WDFY3: variants seen among roughly 807,000 people sequenced by gnomAD.
WDFY3 encodes WD repeat and FYVE domain containing 3.
In WDFY3, 66 loss-of-function variants were observed where a neutral mutation model predicts 409.6. The observed-to-expected ratio is 0.16, with a 90% CI of 0.13 to 0.20. WDFY3 has a LOEUF of 0.20. Among genes scored for constraint, WDFY3 ranks in the 10% least tolerant of loss-of-function variants. The probability of loss-of-function intolerance (pLI) is 1.00; values close to 1 mark genes in which losing one functional copy is unlikely to be tolerated. For synonymous variants in WDFY3, 1,521 were observed against 1,537.1 expected (o/e 0.99, Z 0.25); for missense variants, 3,031 against 4,298.1 (o/e 0.71, Z 8.24).
At chr4:84,944,235 C>G (rs886626234) in intron 1 of WDFY3, among the ~76,000 whole-genome samples, 2 of 151,940 alleles carry the variant, frequency 1.3e-5, no homozygotes, top group African/African-American at 4.8e-5. Flanking sequence ...CTTTAAGAAG[C>G]AAAAATCAGC....
At chr4:84,787,346 T>C (rs1451480319) in intron 23 of WDFY3, 136 bp downstream of exon 23, 19 of 765,584 alleles carry the variant, frequency 2.5e-5, no homozygotes, top group Non-Finnish European at 3.8e-5. Context: ...TAGGAGTGAG[T>C]ATCCTGCTGA....
At chr4:84,724,288 G>C (rs1735302285) in intron 46 of WDFY3, 138 bp downstream of exon 46, 1 of 927,346 alleles carries the variant, frequency 1.1e-6, no homozygotes, top group Non-Finnish European at 1.5e-6. Context: ...CAATCTTTAA[G>C]AAGGGTGAGA....
chr4:84,875,133 T>C (rs1460915262), intron 3 of WDFY3, among the ~76,000 whole-genome samples: 1 of 151,876 alleles, frequency 6.6e-6, no homozygotes, highest in Non-Finnish European at 1.5e-5. Context: ...CCAGGCATGG[T>C]GGCACGCGCC....
intron 3 of WDFY3, among the ~76,000 whole-genome samples, chr4:84,877,734 A>G (rs1480377160): frequency 2.0e-5 from 3 of 152,180 alleles, no homozygotes; most frequent in Non-Finnish European, 4.4e-5. Context: ...ACACCAGACA[A>G]TGTAAGATTA....
chr4:84,766,104 A>G, intron 31 of WDFY3, 77 bp from the exon 32 acceptor site: 3 of 1,538,916 alleles, frequency 1.9e-6, no homozygotes, highest in Non-Finnish European at 2.6e-6. Context: ...CAAAAAGGAA[A>G]AAGAAGACTG....
chr4:84,904,315 A>T lies in WDFY3; in HGVS notation c.-131-7305T>A, dbSNP rs551511177. Among the ~76,000 whole-genome samples the T allele has an allele frequency of 1.2e-4, 18 of 152,206 alleles. No individual in the cohort carries two copies. In the South Asian group the frequency reaches 3.1e-3, roughly 26 times the overall value. ...GAGTGCAATGGCGCGATCTTAGCTC[A>T]CTGCAACCTCCACCTCCTGGGTTCA... On this transcript the variant is annotated intron_variant, in intron 2 of 67. Transcript: ENST00000295888.
chr4:84,907,347 C>T (rs374403538), intron 2 of WDFY3, among the ~76,000 whole-genome samples: 1 of 152,174 alleles, frequency 6.6e-6, no homozygotes, highest in Non-Finnish European at 1.5e-5. Flanking sequence ...CCTTCTTGCT[C>T]TCTCTCAGAT....
chr4:84,890,151 G>C (rs748585773), intron 3 of WDFY3, among the ~76,000 whole-genome samples: 1 of 152,038 alleles, frequency 6.6e-6, no homozygotes, highest in Non-Finnish European at 1.5e-5. Flanking sequence ...TCAGGCTGGA[G>C]TACAGTGGCA....
chr4:84,769,833 G>C (rs1012408620), intron 30 of WDFY3, among the ~76,000 whole-genome samples: 1 of 152,070 alleles, frequency 6.6e-6, no homozygotes, highest in African/African-American at 2.4e-5. Flanking sequence ...TAATTAGCAT[G>C]TCCATCACCT....
At chr4:84,890,312 C>T (rs187050008) in intron 3 of WDFY3, among the ~76,000 whole-genome samples, 1 of 152,272 alleles carries the variant, frequency 6.6e-6, no homozygotes, top group Admixed American at 6.5e-5. Context: ...GTTGCCCAGG[C>T]TGGTCTTGAA....
At chr4:84,907,384 C>T (rs941744509) in intron 2 of WDFY3, among the ~76,000 whole-genome samples, 7 of 152,134 alleles carry the variant, frequency 4.6e-5, no homozygotes, top group African/African-American at 1.7e-4. Context: ...AGCCAACTTC[C>T]ACATTGTGAA....
At chr4:84,680,057 ATTTTTGTATTT>A (rs1437061138) in intron 64 of WDFY3, among the ~76,000 whole-genome samples, 2 of 151,696 alleles carry the variant, frequency 1.3e-5, no homozygotes, top group African/African-American at 4.8e-5. Context: ...CACCTGGCTA[ATTTTTGTATTT>A]TTAGTAGAGA....
chr4:84,905,824 C>A (rs1288809881), intron 2 of WDFY3, among the ~76,000 whole-genome samples: 1 of 152,206 alleles, frequency 6.6e-6, no homozygotes. Context: ...ATTCCTCATA[C>A]ACCAACTGTT....
chr4:84,913,932 A>T (rs1768116997), intron 2 of WDFY3, among the ~76,000 whole-genome samples: 1 of 152,018 alleles, frequency 6.6e-6, no homozygotes, highest in African/African-American at 2.4e-5. Flanking sequence ...CAGCCTACTC[A>T]ATGTGAAGAT....
rs937499795 is a variant in WDFY3, at chr4:84,742,573, C to T, written c.6074-652G>A. On this transcript the variant is annotated intron_variant, in intron 37 of 67. Coordinates refer to ENST00000295888, the MANE Select transcript of WDFY3 (RefSeq NM_014991.6). ...GGTCCCCAACTCCCAGGCCATGGAA[C>T]GGACCACACAGCAAGAGGTGTGAGG... Among the ~76,000 whole-genome samples the T allele has an allele frequency of 1.1e-4, 17 of 152,256 alleles. 1 individual carries two copies. In the South Asian group the frequency reaches 2.1e-3, roughly 19 times the overall value.
chr4:84,787,836 TG>T (rs1256294701), intron 22 of WDFY3, 123 bp from the exon 23 acceptor site: 3 of 891,600 alleles, frequency 3.4e-6, no homozygotes, highest in Non-Finnish European at 3.4e-6. Flanking sequence ...CAAAAACATT[TG>T]GGGTGGAGAA....
intron 56 of WDFY3, among the ~76,000 whole-genome samples, chr4:84,697,599 A>C (rs573810219): frequency 6.6e-6 from 1 of 152,198 alleles, no homozygotes; most frequent in Non-Finnish European, 1.5e-5. Context: ...CCACATCAAA[A>C]TATATTAAAT....
intron 27 of WDFY3, among the ~76,000 whole-genome samples, chr4:84,778,059 G>T (rs1278461483): frequency 6.6e-6 from 1 of 152,046 alleles, no homozygotes; most frequent in East Asian, 1.9e-4. Context: ...ATAGGAGAAG[G>T]ATTGATTAGG....
chr4:84,882,928 A>G (rs1022556645), intron 3 of WDFY3, among the ~76,000 whole-genome samples: 1 of 152,054 alleles, frequency 6.6e-6, no homozygotes, highest in African/African-American at 2.4e-5. Flanking sequence ...GGTTGGTGTC[A>G]AACTCTGGGC....
Sources: allele counts gnomAD v4.1 joint callset (sites outside exome capture counted in the v4.1 genomes callset), GRCh38; gene constraint gnomAD v4.1.1; transcripts MANE v1.5; gene names NCBI Gene and HGNC (gene_info 2026-07-23, HGNC 2026-07-21).